The following TMC1 variants were observed in gnomAD, a reference collection of about 807,000 sequenced individuals.
TMC1 encodes the protein transmembrane channel-like protein 1.
TMC1 carries 84 observed loss-of-function variants against 105.8 expected under a neutral mutation model. The ratio of observed to expected loss-of-function variants is 0.79; its 90% CI spans 0.67 to 0.95. The LOEUF (loss-of-function observed/expected upper bound fraction) is 0.95. TMC1 is among the 40% of genes least tolerant of loss of function. The probability of loss-of-function intolerance (pLI) is 0.00; values close to 1 mark genes in which losing one functional copy is unlikely to be tolerated. For missense variants in TMC1, 817 were observed against 914.1 expected, an observed-to-expected ratio of 0.89 and a Z score of 1.37; for synonymous variants, 315 against 311.5, an observed-to-expected ratio of 1.01 and a Z score of -0.12.
At chr9:72,712,983 AG>A (rs1826859860) in intron 8 of TMC1, among the ~76,000 whole-genome samples, 1 of 152,160 alleles carries the variant, frequency 6.6e-6, no homozygotes, top group Admixed American at 6.5e-5. Context: ...TTTAGCATGA[AG>A]GGCTGTTGAA....
intron 12 of TMC1, 75 bp downstream of exon 12, chr9:72,754,959 C>T: frequency 9.1e-7 from 1 of 1,096,552 alleles, no homozygotes; most frequent in South Asian, 1.3e-5. Flanking sequence ...AAACCCACGG[C>T]CTCCTCTCCT....
chr9:72,558,607 A>G (rs939873029), intron 1 of TMC1, among the ~76,000 whole-genome samples: 6 of 152,202 alleles, frequency 3.9e-5, no homozygotes, highest in African/African-American at 1.4e-4. Context: ...GCCATTTTCT[A>G]CTTGAAGAGG....
intron 5 of TMC1, among the ~76,000 whole-genome samples, chr9:72,649,368 A>T (rs747713320): frequency 1.3e-5 from 2 of 152,204 alleles, no homozygotes; most frequent in African/African-American, 2.4e-5. Context: ...AATAGGAAAA[A>T]CCTGGACACA....
intron 4 of TMC1, among the ~76,000 whole-genome samples, chr9:72,647,728 AT>A (rs1193185465): frequency 6.7e-6 from 1 of 148,690 alleles, no homozygotes; most frequent in Non-Finnish European, 1.5e-5. Context: ...GCACAAATTG[AT>A]TTGTGTAGCC....
chr9:72,560,602 A>C (rs1824027754), intron 1 of TMC1, among the ~76,000 whole-genome samples: 2 of 151,884 alleles, frequency 1.3e-5, no homozygotes, highest in Admixed American at 1.3e-4. Flanking sequence ...GGGTTCAAGT[A>C]ATTCCCCTGC....
chr9:72,585,278 G>A (rs1030013270), intron 2 of TMC1, among the ~76,000 whole-genome samples: 3 of 151,426 alleles, frequency 2.0e-5, no homozygotes, highest in African/African-American at 7.3e-5. Flanking sequence ...AGCCTCCTGA[G>A]TAGCTGGGAC....
rs1404599529 is a variant in TMC1, at chr9:72,700,572, T to C, written c.291T>C (p.Asp97=). 1 of 1,608,116 alleles carries C rather than the reference T, an allele frequency of 6.2e-7. No individual in the cohort carries two copies. The highest frequency in any genetic ancestry group is 1.3e-5 in the African/African-American group (1 of 74,770). ...EELERLKAEL[D]EKRQIIATVK... Reference sequence around the variant, plus strand: ...TGGAAAGATTGAAGGCAGAGTTAGATGAGAAAAGACAAATAATTGCTACTG... The same window carrying C: ...TGGAAAGATTGAAGGCAGAGTTAGACGAGAAAAGACAAATAATTGCTACTG... Residue 97 remains aspartate, a synonymous_variant, in exon 8 of 24, where the codon GAT becomes GAC. Coordinates refer to ENST00000297784, the MANE Select transcript of TMC1 (RefSeq NM_138691.3).
chr9:72,767,490 T>G (rs1277312124), intron 12 of TMC1, among the ~76,000 whole-genome samples: 2 of 152,268 alleles, frequency 1.3e-5, no homozygotes, highest in Non-Finnish European at 1.5e-5. Context: ...TCTGAAATCC[T>G]GTCTCCTAAT....
intron 2 of TMC1, among the ~76,000 whole-genome samples, chr9:72,585,311 C>G (rs1007210366): frequency 8.5e-6 from 1 of 117,072 alleles, no homozygotes; most frequent in African/African-American, 4.7e-5. Flanking sequence ...CCACCACGCC[C>G]TGCTAATTTT....
chr9:72,644,287 G>GT (rs913981624), intron 4 of TMC1, among the ~76,000 whole-genome samples: 5 of 150,654 alleles, frequency 3.3e-5, no homozygotes, highest in East Asian at 1.9e-4. Context: ...TTCACTTTAT[G>GT]TTTTTTTTTA....
chr9:72,761,558 T>C (rs1827755361), intron 12 of TMC1, among the ~76,000 whole-genome samples: 3 of 152,180 alleles, frequency 2.0e-5, no homozygotes, highest in Non-Finnish European at 4.4e-5. Context: ...TTAACACCTA[T>C]TATGTGTTAA....
At chr9:72,536,884 A>G (rs1823594430) in intron 1 of TMC1, among the ~76,000 whole-genome samples, 1 of 152,172 alleles carries the variant, frequency 6.6e-6, no homozygotes, top group South Asian at 2.1e-4. Context: ...CACACCTCCA[A>G]TAGATAATGC....
At chr9:72,756,637 T>G (rs965118071) in intron 12 of TMC1, among the ~76,000 whole-genome samples, 1 of 152,300 alleles carries the variant, frequency 6.6e-6, no homozygotes, top group Admixed American at 6.5e-5. Context: ...GTCTGCTTAA[T>G]AAGAACAAGG....
At chr9:72,568,062 C>A (rs1025058495) in intron 1 of TMC1, among the ~76,000 whole-genome samples, 2 of 144,508 alleles carry the variant, frequency 1.4e-5, no homozygotes, top group Non-Finnish European at 3.0e-5. Context: ...TGTGGCGCTG[C>A]CCTCAATGAT....
chr9:72,652,034 A>T (rs779844763), intron 5 of TMC1, among the ~76,000 whole-genome samples: 1 of 152,092 alleles, frequency 6.6e-6, no homozygotes, highest in East Asian at 1.9e-4. Context: ...GAGTTGCTTC[A>T]CTTACAATAA....
chr9:72,819,807 A>G (rs1588100110), intron 19 of TMC1, among the ~76,000 whole-genome samples: 1 of 152,346 alleles, frequency 6.6e-6, no homozygotes, highest in East Asian at 1.9e-4. Context: ...TTCATTATAG[A>G]TAGGACAGTT....
chr9:72,782,229 G>A (rs941998468), intron 13 of TMC1, among the ~76,000 whole-genome samples: 1 of 152,050 alleles, frequency 6.6e-6, no homozygotes, highest in Non-Finnish European at 1.5e-5. Context: ...CATCTCAATA[G>A]ACGCAGAAAA....
intron 1 of TMC1, among the ~76,000 whole-genome samples, chr9:72,548,655 TTTATCACTGA>T (rs1823811229): frequency 6.6e-6 from 1 of 152,094 alleles, no homozygotes; most frequent in African/African-American, 2.4e-5. Context: ...AGTTGTATTT[TTTATCACTGA>T]TTGTCTACAA....
intron 19 of TMC1, among the ~76,000 whole-genome samples, chr9:72,818,428 G>T (rs143728255): frequency 4.3e-4 from 66 of 152,266 alleles, no homozygotes; most frequent in African/African-American, 1.5e-3. Context: ...ATTTTTAAAT[G>T]ATGAAAGCAC....
Sources: allele counts gnomAD v4.1 joint callset (sites outside exome capture counted in the v4.1 genomes callset), GRCh38; gene constraint gnomAD v4.1.1; transcripts MANE v1.5; gene names NCBI Gene and HGNC (gene_info 2026-07-23, HGNC 2026-07-21).